Variants in TAF1L observed in about 807,000 individuals in gnomAD.
TAF1L encodes transcription initiation factor TFIID subunit 1-like.
TAF1L carries 30 observed loss-of-function variants against 128.8 expected under a neutral mutation model. That is an observed-to-expected ratio of 0.23 (90% confidence interval 0.17 to 0.32). TAF1L has a LOEUF of 0.32. Ranked by LOEUF, TAF1L falls within the 10% of genes least tolerant of loss-of-function variation. The pLI, the probability that TAF1L is intolerant of heterozygous loss-of-function variation, is 1.00. For synonymous variants in TAF1L, 764 were observed against 790.7 expected, an observed-to-expected ratio of 0.97 and a Z score of 0.57; for missense variants, 2,099 against 2,253.7, an observed-to-expected ratio of 0.93 and a Z score of 1.39.
Position 32,634,835 on chromosome 9 carries a change from G to A in TAF1L, c.745C>T (p.Leu249Phe), listed in dbSNP as rs1822562184. ...TTTCCAGGTCGAAATTCTGGAAAAA[G>A]TTCGGTGACACTTGGCAACAGCTTG... Reference protein sequence around the residue: ...ATKLLPSVTELFPEFRPGKVL... With the variant: ...ATKLLPSVTEFFPEFRPGKVL... Residue 249 changes from leucine (L) to phenylalanine (F), a missense_variant, in exon 1 of 1, where the codon CTT (leucine) becomes TTT (phenylalanine). By Grantham distance (22) the Leu-to-Phe change is conservative. Coordinates refer to ENST00000242310, the MANE Select transcript of TAF1L (RefSeq NM_153809.2). 1 of 1,614,072 alleles carries A rather than the reference G, an allele frequency of 6.2e-7. No individual in the cohort carries two copies. The highest frequency in any genetic ancestry group is 1.1e-5 in the South Asian group (1 of 91,086).
Position 32,633,678 on chromosome 9 carries a change from G to A in TAF1L, c.1902C>T (p.Phe634=), listed in dbSNP as rs761502682. The part of the protein sequence containing the change: ...THMGPIKIRQ[F]HRPPLKKYSF... ...AGTACTTTTTCAGAGGTGGGCGATG[G>A]AACTGCCGGATTTTGATGGGCCCCA... is the stretch of plus-strand genomic sequence containing the variant. Residue 634 remains phenylalanine (F), a synonymous_variant, in exon 1 of 1, where the codon TTC becomes TTT. Coordinates refer to ENST00000242310, the MANE Select transcript of TAF1L (RefSeq NM_153809.2). 3 of 1,614,184 alleles carry A rather than the reference G, an allele frequency of 1.9e-6. No individual in the cohort carries two copies. Among genetic ancestry groups the A allele is most frequent in the East Asian group, 4.5e-5 (2 of 44,884 alleles).
rs1478841319 is a variant in TAF1L, at chr9:32,629,629, A to G, written c.*470T>C. ...GGCTCTCATCTGTTCCAGCCTGTAA[A>G]TTAGAAAAGTGAGATGATACCATGC... On this transcript the variant is annotated 3_prime_UTR_variant, in exon 1 of 1. Coordinates refer to ENST00000242310, the MANE Select transcript of TAF1L (RefSeq NM_153809.2). 4.7e-6 allele frequency: 1 copy of G among 212,692 alleles called. No individual in the cohort carries two copies. The highest frequency in any genetic ancestry group is 9.4e-6 in the Non-Finnish European group (1 of 105,970). The allele number at this position is 212,692 out of a possible 1,614,324, so 13.2% of individuals were successfully genotyped here.
Position 32,633,800 on chromosome 9 carries a change from G to A in TAF1L, c.1780C>T (p.Pro594Ser). 6.2e-7 allele frequency: 1 copy of A among 1,614,172 alleles called. No homozygotes were observed. Residue 594 changes from proline (P) to serine (S), a missense_variant, in exon 1 of 1, where the codon CCC (proline) becomes TCC (serine). Pro to Ser is a moderately conservative substitution (Grantham distance 74). Transcript: ENST00000242310. ...WNLSNDEYYF[P>S]KQQGLRGTFG... ...GTGCCCCGAAGACCCTGTTGCTTGGGGAAATAATACTCATCATTGGAGAGA... is the reference window on the plus strand; with the variant it reads ...GTGCCCCGAAGACCCTGTTGCTTGGAGAAATAATACTCATCATTGGAGAGA...
Position 32,633,199 on chromosome 9 carries a change from T to A in TAF1L, c.2381A>T (p.Glu794Val), listed in dbSNP as rs1053278627. ...GCCAACCACAAAAATATCCACTAAT[T>A]CCCGAATATAGTAACCCTGTCTTGT... ...IRTRQGYYIR[E>V]LVDIFVVGQQ... The change falls in exon 1 of 1, where the codon GAA (glutamate) becomes GTA (valine). Residue 794 changes from glutamate (E) to valine (V), a missense_variant. By Grantham distance (121) the Glu-to-Val change is moderately radical. Coordinates refer to ENST00000242310, the MANE Select transcript of TAF1L (RefSeq NM_153809.2). 1.3e-5 allele frequency: 21 copies of A among 1,613,952 alleles called. No individual in the cohort carries two copies. The highest frequency in any genetic ancestry group is 1.7e-5 in the Non-Finnish European group (20 of 1,180,026).
chr9:32,633,701 C>G lies in TAF1L; in HGVS notation c.1879G>C (p.Gly627Arg). 6.2e-7 allele frequency: 1 copy of G among 1,614,090 alleles called. No homozygotes were observed. The highest frequency in any genetic ancestry group is 8.5e-7 in the Non-Finnish European group (1 of 1,180,008). ...TGGAACTGCCGGATTTTGATGGGCC[C>G]CATGTGGGTGGGAAAGAAGGGCTGC... ...LWQPFFPTHM[G>R]PIKIRQFHRP... Residue 627 changes from glycine to arginine, a missense_variant, in exon 1 of 1, where the codon GGG becomes CGG. Physicochemically the swap from Gly to Arg is moderately radical, Grantham distance 125 (BLOSUM62 -2). This residue lies in a region of TAF1L where 1,213 missense variants were observed against 1,391.4 expected (regional missense o/e 0.87). Coordinates refer to ENST00000242310, the MANE Select transcript of TAF1L (RefSeq NM_153809.2).
rs1160736447 is a variant in TAF1L at position 32,630,475 on chromosome 9, T to C, written c.5105A>G (p.Lys1702Arg). Residue 1702 changes from lysine to arginine, a missense_variant, in exon 1 of 1, where the codon AAA (lysine) becomes AGA (arginine). Around this residue, in one of 4 missense-constraint regions of TAF1L, gnomAD observed 404 missense variants for 406.5 expected, o/e 0.99. Coordinates refer to ENST00000242310, the MANE Select transcript of TAF1L (RefSeq NM_153809.2). ...VLDISTATPEKQMCQGQGRLG... is the reference protein window; with the variant it reads ...VLDISTATPERQMCQGQGRLG... ...CCTACCTTGGCCCTGGCACATCTGTTTTTCTGGAGTGGCAGTGGAAATATC... is the reference window on the plus strand; with the variant it reads ...CCTACCTTGGCCCTGGCACATCTGTCTTTCTGGAGTGGCAGTGGAAATATC... The C allele has an allele frequency of 6.2e-7, 1 of 1,614,124 alleles. No individual in the cohort carries two copies. Among genetic ancestry groups the C allele is most frequent in the East Asian group, 2.2e-5 (1 of 44,866 alleles).
chr9:32,630,748 G>A lies in TAF1L; in HGVS notation c.4832C>T (p.Thr1611Ile). The A allele has an allele frequency of 6.2e-7, 1 of 1,614,192 alleles. No individual in the cohort carries two copies. Among genetic ancestry groups the A allele is most frequent in the Non-Finnish European group, 8.5e-7 (1 of 1,180,046 alleles). ...ACAGATGTTCACAATCTCCTGAGCA[G>A]TCTTAGTGTACTGACTCTCAGGTCC... ...YNGPESQYTK[T>I]AQEIVNICYQ... The change falls in exon 1 of 1, where the codon ACT (threonine) becomes ATT (isoleucine). Residue 1611 changes from threonine to isoleucine, a missense_variant. Thr to Ile is a moderately conservative substitution (Grantham distance 89). Coordinates refer to ENST00000242310, the MANE Select transcript of TAF1L (RefSeq NM_153809.2).
rs763903524 is a variant in TAF1L at position 32,630,549 on chromosome 9, C to T, written c.5031G>A (p.Thr1677=). 9.3e-6 allele frequency: 15 copies of T among 1,614,018 alleles called. No individual in the cohort carries two copies. The highest frequency in any genetic ancestry group is 4.4e-5 in the South Asian group (4 of 91,074). The change falls in exon 1 of 1, where the codon ACG becomes ACA. Residue 1677 remains threonine, a synonymous_variant. Transcript: ENST00000242310. ...DMYDTNTSLS[T]SRDASVFQDE... The stretch of plus-strand genomic sequence containing the variant: ...CTTGAAATACAGAGGCATCTCGAGA[C>T]GTACTGAGGGATGTGTTGGTATCAT...
In TAF1L at chr9:32,633,950, G is replaced by A. The variant is rs55667076; in HGVS notation, c.1630C>T (p.Pro544Ser). 1,653 of 1,614,132 alleles carry A rather than the reference G, an allele frequency of 1.0e-3. 4 individuals carry two copies. Among genetic ancestry groups the A allele is most frequent in the Non-Finnish European group, 9.5e-4 (1,120 of 1,180,030 alleles). Residue 544 changes from proline to serine, a missense_variant, in exon 1 of 1, where the codon CCC becomes TCC. By Grantham distance (74) the Pro-to-Ser change is moderately conservative. Transcript: ENST00000242310. Reference protein sequence around the residue: ...DEKEEATSNSPSKESKKESSL... With the variant: ...DEKEEATSNSSSKESKKESSL... The stretch of plus-strand genomic sequence containing the variant: ...GATTCCTTCTTACTCTCCTTGGAGG[G>A]GGAGTTAGAGGTGGCCTCTTCCTTC...
At position 32,633,625 on chromosome 9, in the gene TAF1L, G is replaced by A. The variant is rs370283898; in HGVS notation, c.1955C>T (p.Pro652Leu). The A allele has an allele frequency of 6.2e-7, 1 of 1,614,018 alleles. No individual in the cohort carries two copies. The highest frequency in any genetic ancestry group is 1.3e-5 in the African/African-American group (1 of 74,894). Residue 652 changes from proline (P) to leucine (L), a missense_variant, in exon 1 of 1, where the codon CCC becomes CTC. Coordinates refer to ENST00000242310, the MANE Select transcript of TAF1L (RefSeq NM_153809.2). ...YSFGALSQPG[P>L]HSVQPLLKHI... Reference sequence around the variant, plus strand: ...CTTTAGCAAAGGTTGGACTGAATGGGGACCTGGCTGAGAGAGTGCACCAAA... The same window carrying A: ...CTTTAGCAAAGGTTGGACTGAATGGAGACCTGGCTGAGAGAGTGCACCAAA...
At position 32,632,923 on chromosome 9, in the gene TAF1L, T is replaced by C; in HGVS notation, c.2657A>G (p.Asp886Gly). Residue 886 changes from aspartate to glycine, a missense_variant, in exon 1 of 1, where the codon GAT becomes GGT. Transcript: ENST00000242310. This position sits in a 1 kb window ranked among gnomAD's most constrained non-coding sequence, Gnocchi z 4.4. ...CTCTTCTTCCGTTGGTAAACGAAAA[T>C]CAGACTTAAGCACCCACCAGTTTGA... ...MDSNWWVLKS[D>G]FRLPTEEEIR... 1.2e-6 allele frequency: 2 copies of C among 1,614,204 alleles called. No homozygotes were observed. The highest frequency in any genetic ancestry group is 1.3e-5 in the African/African-American group (1 of 75,052).
Position 32,635,094 on chromosome 9 carries a change from C to A in TAF1L, c.486G>T (p.Pro162=), listed in dbSNP as rs538824130. Residue 162 remains proline (P), a synonymous_variant, in exon 1 of 1, where the codon CCG becomes CCT. Transcript: ENST00000242310. ...GGTCCTTATCCTTCTTCATTGGTCC[C>A]GGGGGTGGAGGTGGAGGAGGCATCA... ...CKLMPPPPPP[P]GPMKKDKDQD... is the part of the protein sequence containing the mutation. 1.2e-6 allele frequency: 2 copies of A among 1,613,792 alleles called. No individual in the cohort carries two copies. Among genetic ancestry groups the A allele is most frequent in the Admixed American group, 1.7e-5 (1 of 59,990 alleles).
In TAF1L at chr9:32,630,334, T is replaced by A; in HGVS notation, c.5246A>T (p.Glu1749Val). ...GGDGDLADEE[E>V]GTVQQPEASV... is the part of the protein sequence containing the mutation. ...GGCTTCAGGTTGTTGTACAGTTCCT[T>A]CCTCTTCATCTGCAAGATCACCATC... The change falls in exon 1 of 1, where the codon GAA becomes GTA. Residue 1749 changes from glutamate (E) to valine (V), a missense_variant. Glu to Val is a moderately radical substitution (Grantham distance 121). Coordinates refer to ENST00000242310, the MANE Select transcript of TAF1L (RefSeq NM_153809.2). The A allele has an allele frequency of 6.2e-7, 1 of 1,614,188 alleles. No individual in the cohort carries two copies. The highest frequency in any genetic ancestry group is 8.5e-7 in the Non-Finnish European group (1 of 1,180,040).
Position 32,634,490 on chromosome 9 carries a change from G to A in TAF1L, c.1090C>T (p.Pro364Ser), listed in dbSNP as rs766164426. Residue 364 changes from proline (P) to serine (S), a missense_variant, in exon 1 of 1, where the codon CCT becomes TCT. Transcript: ENST00000242310. ...KPRVAEWRYG[P>S]ARLWYDMLGV... ...AGCATATCATACCACAGTCGGGCAG[G>A]CCCATAACGCCACTCAGCCACTCTT... 1.1e-5 allele frequency: 18 copies of A among 1,614,058 alleles called. No homozygotes were observed. The highest frequency in any genetic ancestry group is 1.5e-5 in the Non-Finnish European group (18 of 1,180,048).
chr9:32,634,110 G>C lies in TAF1L; in HGVS notation c.1470C>G (p.Asp490Glu), dbSNP rs1342309510. Residue 490 changes from aspartate (D) to glutamate (E), a missense_variant, in exon 1 of 1, where the codon GAC becomes GAG. Asp to Glu is a conservative substitution (Grantham distance 45). Around this residue, in one of 4 missense-constraint regions of TAF1L, gnomAD observed 1,213 missense variants for 1,391.4 expected, o/e 0.87. Coordinates refer to ENST00000242310, the MANE Select transcript of TAF1L (RefSeq NM_153809.2). The stretch of plus-strand genomic sequence containing the variant: ...AGCGTCCATACACCAGATCCTCATT[G>C]TCAATGGGAAAAATGGAGTACCAAG... ...DKPWYSIFPI[D>E]NEDLVYGRWE... 6.2e-7 allele frequency: 1 copy of C among 1,614,192 alleles called. No individual in the cohort carries two copies. The highest frequency in any genetic ancestry group is 1.7e-5 in the Admixed American group (1 of 60,026).
Position 32,634,596 on chromosome 9 carries a change from A to C in TAF1L, c.984T>G (p.Asp328Glu), listed in dbSNP as rs142727600. ...CCACAGGAACCATCATCGTGATTTC[A>C]TCATCAGCGAGACACTGCTCTGGGG... The part of the protein sequence containing the change: ...PPPPEQCLAD[D>E]EITMMVPVES... Residue 328 changes from aspartate to glutamate, a missense_variant, in exon 1 of 1, where the codon GAT becomes GAG. Physicochemically the swap from Asp to Glu is conservative, Grantham distance 45. Transcript: ENST00000242310. 2 of 1,614,150 alleles carry C rather than the reference A, an allele frequency of 1.2e-6. No homozygotes were observed. The highest frequency in any genetic ancestry group is 1.7e-6 in the Non-Finnish European group (2 of 1,180,022).
At position 32,629,778 on chromosome 9, in the gene TAF1L, C is replaced by T. The variant is rs377684837; in HGVS notation, c.*321G>A. 2 of 461,110 alleles carry T rather than the reference C, an allele frequency of 4.3e-6. No individual in the cohort carries two copies. Among genetic ancestry groups the T allele is most frequent in the Non-Finnish European group, 7.7e-6 (2 of 259,552 alleles). 28.6% of individuals were successfully genotyped at this position (461,110 alleles called of 1,614,324 possible). A position where few individuals can be genotyped will look rare whatever the true frequency, so the allele number is the denominator to read the frequency against. On this transcript the variant is annotated 3_prime_UTR_variant, in exon 1 of 1. Coordinates refer to ENST00000242310, the MANE Select transcript of TAF1L (RefSeq NM_153809.2). Reference sequence around the variant, plus strand: ...GTTCAAGCAATTCTCCTGCTTCAGCCTCCCGAGTATCTGGGGATTACAGGC... The same window carrying T: ...GTTCAAGCAATTCTCCTGCTTCAGCTTCCCGAGTATCTGGGGATTACAGGC...
Position 32,630,443 on chromosome 9 carries a change from C to T in TAF1L, c.5137G>A (p.Glu1713Lys). The T allele has an allele frequency of 6.2e-7, 1 of 1,614,194 alleles. No homozygotes were observed. The highest frequency in any genetic ancestry group is 2.2e-5 in the East Asian group (1 of 44,878). Residue 1713 changes from glutamate to lysine, a missense_variant, in exon 1 of 1, where the codon GAG becomes AAG. By Grantham distance (56) the Glu-to-Lys change is moderately conservative (BLOSUM62 1). This residue lies in a region of TAF1L where 404 missense variants were observed against 406.5 expected (regional missense o/e 0.99). Coordinates refer to ENST00000242310, the MANE Select transcript of TAF1L (RefSeq NM_153809.2). The part of the protein sequence containing the change: ...QMCQGQGRLG[E>K]EDSDVDVEGY... ...TCAACATCCACATCAGAGTCTTCCTCACCCAGCCTACCTTGGCCCTGGCAC... is the reference window on the plus strand; with the variant it reads ...TCAACATCCACATCAGAGTCTTCCTTACCCAGCCTACCTTGGCCCTGGCAC...
rs1337995863 is a variant in TAF1L at position 32,629,467 on chromosome 9, T to G, written c.*632A>C. ...TCTGACATATAGGCTGTTTCAAAAT[T>G]TATGGTAATTTGCCTCAAATCCATA... On this transcript the variant is annotated 3_prime_UTR_variant, in exon 1 of 1. Transcript: ENST00000242310. The G allele has an allele frequency of 2.6e-5, 4 of 152,724 alleles. No individual in the cohort carries two copies. The highest frequency in any genetic ancestry group is 6.5e-5 in the Admixed American group (1 of 15,332). 9.5% of individuals were successfully genotyped at this position (152,724 alleles called of 1,614,324 possible).
Sources: gnomAD v4.1 joint callset for allele counts on GRCh38, gnomAD v4.1.1 for gene constraint, gnomAD v4.1.1 regional missense constraint, Gnocchi (gnomAD v3.1) non-coding constraint, MANE v1.5 for transcripts, NCBI Gene and HGNC (gene_info 2026-07-23, HGNC 2026-07-21) for gene names.